WRNIP1: variants seen among roughly 807,000 people sequenced by gnomAD.
WRNIP1 encodes ATPase WRNIP1.
In WRNIP1, 41 loss-of-function variants were observed where a neutral mutation model predicts 56.1. The observed-to-expected ratio is 0.73, with a 90% CI of 0.57 to 0.95. The LOEUF is 0.95. Among genes scored for constraint, WRNIP1 ranks in the 40% least tolerant of loss-of-function variants. The pLI, the probability that WRNIP1 is intolerant of heterozygous loss-of-function variation, is 0.00. For missense variants in WRNIP1, 1,170 were observed against 939.4 expected, an observed-to-expected ratio of 1.25 and a Z score of -3.21; for synonymous variants, 547 against 398.1, an observed-to-expected ratio of 1.37 and a Z score of -4.45.
chr6:2,768,009 C>T (rs1442028782), intron 1 of WRNIP1, among the ~76,000 whole-genome samples: 6 of 152,170 alleles, frequency 3.9e-5, no homozygotes, highest in East Asian at 1.9e-4. Context: ...TTCTTCTCAT[C>T]CTTTAGTACT....
chr6:2,773,763 C>G (rs1333886460), intron 3 of WRNIP1: 1 of 901,308 alleles, frequency 1.1e-6, no homozygotes, highest in Non-Finnish European at 1.3e-6. Flanking sequence ...TAGTCAAAAA[C>G]ACTCCTAAAG....
rs1298662560 is a variant in WRNIP1, at chr6:2,770,441, G to A, written c.1256+80G>A. On this transcript the variant is annotated intron_variant, in intron 3 of 6. Coordinates refer to ENST00000380773, the MANE Select transcript of WRNIP1 (RefSeq NM_020135.3). ...GGCAGGGGGCCAGAAAGGGCCGGGC[G>A]TCAGTGAGGAGAGGGTGGGGACAGA... 19 of 1,570,800 alleles carry A rather than the reference G, an allele frequency of 1.2e-5. No homozygotes were observed. The East Asian group carries it at 1.6e-4, about 13-fold the overall frequency.
rs1764898269 is a variant in WRNIP1, at chr6:2,765,509, T to C, written c.-114T>C. 7.9e-7 allele frequency: 1 copy of C among 1,262,188 alleles called. No homozygotes were observed. The highest frequency in any genetic ancestry group is 1.0e-6 in the Non-Finnish European group (1 of 999,382). The allele number at this position is 1,262,188 out of a possible 1,614,324, so 78.2% of individuals were successfully genotyped here. On this transcript the variant is annotated 5_prime_UTR_variant, in exon 1 of 7. Transcript: ENST00000380773. ...CTCCTCCGGCCCGCGAGCGTCCTGC[T>C]GGTTCCCCGAGCGAGGGTCTCGCGG... is the stretch of plus-strand genomic sequence containing the variant.
At position 2,765,955 on chromosome 6, in the gene WRNIP1, C is replaced by T. The variant is rs1424840511; in HGVS notation, c.333C>T (p.Tyr111=). The T allele has an allele frequency of 9.8e-6, 14 of 1,431,650 alleles. No individual in the cohort carries two copies. The highest frequency in any genetic ancestry group is 8.3e-5 in the South Asian group (6 of 72,118). The allele number at this position is 1,431,650 out of a possible 1,614,324, so 88.7% of individuals were successfully genotyped here. The change falls in exon 1 of 7, where the codon TAC becomes TAT. Residue 111 remains tyrosine (Y), a synonymous_variant. Transcript: ENST00000380773. ...DGGETESRES[Y]DAPPTPSGAR... is the part of the protein sequence containing the mutation. ...GCGAGACCGAGAGCCGCGAGAGCTA[C>T]GACGCGCCGCCCACACCCAGCGGCG...
At chr6:2,774,095 C>A (rs980746260) in intron 3 of WRNIP1, 1 of 985,258 alleles carries the variant, frequency 1.0e-6, no homozygotes, top group Non-Finnish European at 1.2e-6. Context: ...CTCCAGAATA[C>A]AAGGGATTGG....
chr6:2,784,091 C>G (rs1765649015), intron 5 of WRNIP1, among the ~76,000 whole-genome samples: 1 of 152,202 alleles, frequency 6.6e-6, no homozygotes, highest in African/African-American at 2.4e-5. Context: ...TTTCTAGATG[C>G]AGAGTTTTTA....
intron 3 of WRNIP1, among the ~76,000 whole-genome samples, chr6:2,776,988 G>A (rs1765447819): frequency 6.6e-6 from 1 of 152,170 alleles, no homozygotes; most frequent in African/African-American, 2.4e-5. Flanking sequence ...TAATGGTTAA[G>A]GATGTAAAAC....
chr6:2,769,995 G>T, intron 2 of WRNIP1, 125 bp from the exon 3 acceptor site: 1 of 1,362,636 alleles, frequency 7.3e-7, no homozygotes, highest in Admixed American at 2.0e-5. Context: ...ATATAAGGCT[G>T]CTGCTATTCC....
chr6:2,779,852 A>G (rs1009383696), intron 4 of WRNIP1, among the ~76,000 whole-genome samples: 6 of 152,222 alleles, frequency 3.9e-5, no homozygotes, highest in Admixed American at 2.0e-4. Flanking sequence ...ATCATTTACA[A>G]CGGCAGTAAA....
Position 2,766,349 on chromosome 6 carries a change from A to C in WRNIP1, c.727A>C (p.Ser243Arg), listed in dbSNP as rs760613224. The C allele has an allele frequency of 1.2e-6, 2 of 1,610,506 alleles. No homozygotes were observed. Among genetic ancestry groups the C allele is most frequent in the Non-Finnish European group, 8.5e-7 (1 of 1,178,952 alleles). ...PDTLQDYFGQ[S>R]KAVGQDTLLR... ...CACGCTGCAGGATTACTTCGGGCAGAGCAAGGCCGTGGGCCAGGATACCCT... is the reference window on the plus strand; with the variant it reads ...CACGCTGCAGGATTACTTCGGGCAGCGCAAGGCCGTGGGCCAGGATACCCT... Residue 243 changes from serine (S) to arginine (R), a missense_variant, in exon 1 of 7, where the codon AGC becomes CGC. Physicochemically the swap from Ser to Arg is moderately radical, Grantham distance 110. Transcript: ENST00000380773.
In WRNIP1 at chr6:2,779,463, A is replaced by G. The variant is rs200555999; in HGVS notation, c.1457A>G (p.Gln486Arg). The change falls in exon 4 of 7, where the codon CAG (glutamine) becomes CGG (arginine). Residue 486 changes from glutamine (Q) to arginine (R), a missense_variant. By Grantham distance (43) the Gln-to-Arg change is conservative. Coordinates refer to ENST00000380773, the MANE Select transcript of WRNIP1 (RefSeq NM_020135.3). ...GAGAATGACGTGAAGGAGGGCCTAC[A>G]GCGATCCCACATTTTATATGACCGG... is the stretch of plus-strand genomic sequence containing the variant. Reference protein sequence around the residue: ...ITENDVKEGLQRSHILYDRAG... With the variant: ...ITENDVKEGLRRSHILYDRAG... The G allele has an allele frequency of 6.2e-7, 1 of 1,614,150 alleles. No homozygotes were observed. Among genetic ancestry groups the G allele is most frequent in the East Asian group, 2.2e-5 (1 of 44,882 alleles).
At position 2,770,221 on chromosome 6, in the gene WRNIP1, T is replaced by C. The variant is rs140082896; in HGVS notation, c.1116T>C (p.Cys372=). Residue 372 remains cysteine (C), a synonymous_variant, in exon 3 of 7, where the codon TGT becomes TGC. Transcript: ENST00000380773. ...TCAACGCTGCTCTTCTGAGCCGCTG[T>C]CGAGTGATTGTTCTTGAGAAGCTTC... The part of the protein sequence containing the change: ...FQVNAALLSR[C]RVIVLEKLPV... The C allele has an allele frequency of 2.1e-3, 3,334 of 1,614,184 alleles. 119 individuals carry two copies. In the Admixed American group the frequency reaches 0.054, roughly 26 times the overall value.
Position 2,768,671 on chromosome 6 carries a change from A to G in WRNIP1, c.823-20A>G, listed in dbSNP as rs3734500. On this transcript the variant is annotated intron_variant, in intron 1 of 6. Coordinates refer to ENST00000380773, the MANE Select transcript of WRNIP1 (RefSeq NM_020135.3). Reference sequence around the variant, plus strand: ...GTGTCTTACCAGCTTTTCAAACTCCATGTATGTCATCTTTTCTAGACCACT... The same window carrying G: ...GTGTCTTACCAGCTTTTCAAACTCCGTGTATGTCATCTTTTCTAGACCACT... The G allele has an allele frequency of 0.16, 252,486 of 1,580,778 alleles. 21,768 individuals carry two copies. The highest frequency in any genetic ancestry group is 0.31 in the East Asian group (13,914 of 44,290).
chr6:2,765,498 G>A lies in WRNIP1; in HGVS notation c.-125G>A, dbSNP rs984855871. The A allele has an allele frequency of 3.3e-6, 4 of 1,207,200 alleles. No individual in the cohort carries two copies. The highest frequency in any genetic ancestry group is 2.8e-5 in the South Asian group (1 of 36,064). 74.8% of individuals were successfully genotyped at this position (1,207,200 alleles called of 1,614,324 possible). ...TGAGCGGCGCCCTCCTCCGGCCCGC[G>A]AGCGTCCTGCTGGTTCCCCGAGCGA... is the stretch of plus-strand genomic sequence containing the variant. On this transcript the variant is annotated 5_prime_UTR_variant, in exon 1 of 7. Coordinates refer to ENST00000380773, the MANE Select transcript of WRNIP1 (RefSeq NM_020135.3).
chr6:2,773,382 A>G (rs1380332580), intron 3 of WRNIP1: 11 of 985,332 alleles, frequency 1.1e-5, no homozygotes, highest in Non-Finnish European at 1.3e-5. Flanking sequence ...AGCAGCATTC[A>G]GAATATGTGA....
At chr6:2,776,831 G>A (rs1765444369) in intron 3 of WRNIP1, among the ~76,000 whole-genome samples, 1 of 152,170 alleles carries the variant, frequency 6.6e-6, no homozygotes, top group African/African-American at 2.4e-5. Flanking sequence ...ACAAATTCAT[G>A]GAGAAGGGAT....
chr6:2,774,161 T>A (rs1405188415), intron 3 of WRNIP1: 1 of 985,184 alleles, frequency 1.0e-6, no homozygotes, highest in South Asian at 4.7e-5. Flanking sequence ...AAAAATTTTT[T>A]AAGTACATTA....
intron 3 of WRNIP1, among the ~76,000 whole-genome samples, chr6:2,772,383 C>T (rs956340394): frequency 1.3e-5 from 2 of 152,288 alleles, no homozygotes; most frequent in African/African-American, 4.8e-5. Context: ...TTGTGTCCCC[C>T]GCTTTCCTGG....
chr6:2,766,234 C>T lies in WRNIP1; in HGVS notation c.612C>T (p.Gly204=), dbSNP rs1431694005. ...CCGCCACCGCCTTCGGGGCCAGTGG[C>T]GGGGGCCGCCCGCACCCCCGGGCGC... is the stretch of plus-strand genomic sequence containing the variant. ...AEAATAFGAS[G]GGRPHPRALA... Residue 204 remains glycine (G), a synonymous_variant, in exon 1 of 7, where the codon GGC becomes GGT. Coordinates refer to ENST00000380773, the MANE Select transcript of WRNIP1 (RefSeq NM_020135.3). 20 of 1,466,484 alleles carry T rather than the reference C, an allele frequency of 1.4e-5. No homozygotes were observed. Among genetic ancestry groups the T allele is most frequent in the South Asian group, 4.3e-5 (3 of 69,430 alleles). 90.8% of individuals were successfully genotyped at this position (1,466,484 alleles called of 1,614,324 possible).
Sources: allele counts gnomAD v4.1 joint callset (sites outside exome capture counted in the v4.1 genomes callset), GRCh38; gene constraint gnomAD v4.1.1; transcripts MANE v1.5; gene names NCBI Gene and HGNC (gene_info 2026-07-23, HGNC 2026-07-21).